Variants in EXOC4 observed in about 807,000 individuals in gnomAD.
The protein encoded by EXOC4 is SEC8-like 1.
In EXOC4, 71 loss-of-function variants were observed where a neutral mutation model predicts 107.2. That is an observed-to-expected ratio of 0.66 (90% CI 0.55 to 0.81). EXOC4 has a LOEUF of 0.81. Among genes scored for constraint, EXOC4 ranks in the 30% least tolerant of loss-of-function variants. EXOC4 has a pLI of 0.00. For synonymous variants in EXOC4, 456 were observed against 441.2 expected (o/e 1.03, Z -0.42); for missense variants, 1,108 against 1,189.6 (o/e 0.93, Z 1.01).
At chr7:133,700,562 C>T (rs1378540951) in intron 10 of EXOC4, among the ~76,000 whole-genome samples, 1 of 152,118 alleles carries the variant, frequency 6.6e-6, no homozygotes, top group Non-Finnish European at 1.5e-5. Flanking sequence ...GACACATGGT[C>T]AAATACTCAG....
At chr7:133,865,643 T>A (rs1461530528) in intron 11 of EXOC4, among the ~76,000 whole-genome samples, 1 of 152,158 alleles carries the variant, frequency 6.6e-6, no homozygotes, top group Non-Finnish European at 1.5e-5. Flanking sequence ...AGGAAGCATG[T>A]CTGGGAGGCC....
At chr7:133,484,178 G>A in intron 9 of EXOC4, 2 of 1,567,930 alleles carry the variant, frequency 1.3e-6, no homozygotes, top group East Asian at 2.3e-5. Flanking sequence ...ACACCCAAGA[G>A]GATAAAAGGA....
chr7:133,896,418 G>T (rs1455132128), intron 12 of EXOC4, among the ~76,000 whole-genome samples: 1 of 152,108 alleles, frequency 6.6e-6, no homozygotes, highest in African/African-American at 2.4e-5. Context: ...AATTATATGT[G>T]ATATATAATG....
intron 9 of EXOC4, among the ~76,000 whole-genome samples, chr7:133,541,180 T>G (rs1253326656): frequency 6.6e-6 from 1 of 152,218 alleles, no homozygotes; most frequent in Non-Finnish European, 1.5e-5. Context: ...CCATATTTTT[T>G]CAAACAATTT....
intron 7 of EXOC4, among the ~76,000 whole-genome samples, chr7:133,436,371 C>T (rs954641439): frequency 6.6e-6 from 1 of 152,060 alleles, no homozygotes; most frequent in African/African-American, 2.4e-5. Flanking sequence ...TTTGAGATAG[C>T]TTTCTCCTTT....
At chr7:133,833,377 T>TG (rs1459897517) in intron 11 of EXOC4, among the ~76,000 whole-genome samples, 1 of 152,222 alleles carries the variant, frequency 6.6e-6, no homozygotes, top group Non-Finnish European at 1.5e-5. Flanking sequence ...TTCTGGGATT[T>TG]GGGGTTCCTC....
intron 9 of EXOC4, among the ~76,000 whole-genome samples, chr7:133,625,514 C>T (rs955767990): frequency 3.9e-5 from 6 of 152,134 alleles, no homozygotes; most frequent in Admixed American, 3.9e-4. Context: ...GCTTTGGTTT[C>T]TGTTTGTGTT....
intron 7 of EXOC4, among the ~76,000 whole-genome samples, chr7:133,429,227 C>T (rs1221269400): frequency 6.6e-6 from 1 of 151,922 alleles, no homozygotes; most frequent in Non-Finnish European, 1.5e-5. Context: ...TTTTTTGAAT[C>T]AATCTTGATG....
rs538101549 is a variant in EXOC4 at position 133,910,260 on chromosome 7, G to T, written c.1872-7323G>T. ...TATGAATTCTTGGTCCACTTCCTGT[G>T]TTACAGTATAATTTTTTTCTTCTTG... is the stretch of plus-strand genomic sequence containing the variant. On this transcript the variant is annotated intron_variant, in intron 12 of 17. Transcript: ENST00000253861. 2.6e-3 allele frequency among the ~76,000 whole-genome samples: 389 copies of T among 152,252 alleles called. 2 individuals are homozygous for T. Among genetic ancestry groups the T allele is most frequent in the African/African-American group, 8.9e-3 (369 of 41,552 alleles).
chr7:133,280,204 G>A (rs1288074148), intron 2 of EXOC4, among the ~76,000 whole-genome samples: 1 of 152,294 alleles, frequency 6.6e-6, no homozygotes, highest in East Asian at 1.9e-4. Flanking sequence ...CAATTGATCA[G>A]GTCAAGTAAT....
intron 13 of EXOC4, among the ~76,000 whole-genome samples, chr7:133,934,450 G>A (rs192590219): frequency 2.6e-5 from 4 of 152,230 alleles, no homozygotes; most frequent in African/African-American, 9.6e-5. Flanking sequence ...ATTTTTCTCA[G>A]TCTATTGCTC....
In EXOC4 at chr7:133,894,420, C is replaced by G. The variant is rs187925220; in HGVS notation, c.1735-1179C>G. 1.3e-4 allele frequency among the ~76,000 whole-genome samples: 19 copies of G among 144,088 alleles called. No homozygotes were observed. The East Asian group carries it at 2.6e-3, about 20-fold the overall frequency. The allele number at this position is 144,088 out of a possible 152,430, so 94.5% of individuals were successfully genotyped here. ...TAATTTGATGGTCTGAAGCCTTCCT[C>G]TCTCAGCTCGTCAAAATCATTCTCC... On this transcript the variant is annotated intron_variant, in intron 11 of 17. Coordinates refer to ENST00000253861, the MANE Select transcript of EXOC4 (RefSeq NM_021807.4).
At chr7:133,554,258 T>C (rs774885811) in intron 9 of EXOC4, among the ~76,000 whole-genome samples, 21 of 152,208 alleles carry the variant, frequency 1.4e-4, no homozygotes, top group Non-Finnish European at 2.5e-4. Context: ...CTCAGTAATT[T>C]AATACTATTC....
chr7:133,714,289 T>G (rs1231977479), intron 10 of EXOC4, among the ~76,000 whole-genome samples: 1 of 152,214 alleles, frequency 6.6e-6, no homozygotes, highest in African/African-American at 2.4e-5. Flanking sequence ...TTGCATCCTC[T>G]TGCTGCTGAA....
At position 133,356,541 on chromosome 7, in the gene EXOC4, G is replaced by A. The variant is rs141180561; in HGVS notation, c.975G>A (p.Arg325=). 2 of 1,613,924 alleles carry A rather than the reference G, an allele frequency of 1.2e-6. No homozygotes were observed. The highest frequency in any genetic ancestry group is 1.7e-5 in the Admixed American group (1 of 59,982). The change falls in exon 6 of 18, where the codon CGG becomes CGA. Residue 325 remains arginine, a synonymous_variant. Transcript: ENST00000253861. ...TTQVADSGYQ[R]GENVTVENQP... is the part of the protein sequence containing the mutation. ...AGGTGGCAGACAGTGGCTATCAGCG[G>A]GGGGAGAACGTTACTGTGGAGAACC...
chr7:133,817,383 C>T lies in EXOC4; in HGVS notation c.1573C>T (p.Arg525Ter), dbSNP rs1446395002. 6.8e-6 allele frequency: 11 copies of T among 1,613,972 alleles called. No individual in the cohort carries two copies. The highest frequency in any genetic ancestry group is 5.3e-5 in the African/African-American group (4 of 74,910). The stretch of plus-strand genomic sequence containing the variant: ...TGGCCCAGCCAAACAGTGTCCTCTT[C>T]GAGAGTTTCTCACCGTGTACATCAA... ...GLGPAKQCPL[R>*]EFLTVYIKNI... is the part of the protein sequence containing the mutation. Residue 525 changes from arginine to a stop codon, truncating the protein, a stop_gained, in exon 11 of 18, where the codon CGA (arginine) becomes TGA (stop). Coordinates refer to ENST00000253861, the MANE Select transcript of EXOC4 (RefSeq NM_021807.4). LOFTEE classifies it high-confidence loss of function.
intron 14 of EXOC4, among the ~76,000 whole-genome samples, chr7:133,982,989 T>G (rs1362876589): frequency 6.6e-6 from 1 of 152,194 alleles, no homozygotes; most frequent in Admixed American, 6.5e-5. Context: ...ACTGAGTAAT[T>G]TGTAAGAAAA....
chr7:134,075,369 A>C, the EXOC4 span, among the ~76,000 whole-genome samples: 1 of 152,182 alleles, frequency 6.6e-6, no homozygotes, highest in African/African-American at 2.4e-5. Flanking sequence ...ACAGCTGATA[A>C]AGACATACCC....
intron 9 of EXOC4, among the ~76,000 whole-genome samples, chr7:133,503,457 C>T (rs541244779): frequency 6.6e-6 from 1 of 152,226 alleles, no homozygotes; most frequent in South Asian, 2.1e-4. Context: ...TATGGATTCT[C>T]AGCTTTATTT....
Sources: gnomAD v4.1 joint callset for allele counts (sites outside exome capture counted in the v4.1 genomes callset) on GRCh38, gnomAD v4.1.1 for gene constraint, MANE v1.5 for transcripts, NCBI Gene and HGNC (gene_info 2026-07-23, HGNC 2026-07-21) for gene names.